The following CNTN4 variants were observed in gnomAD, a reference collection of about 807,000 sequenced individuals.
CNTN4 encodes the protein contactin-4.
CNTN4 carries 77 observed loss-of-function variants against 122.5 expected under a neutral mutation model. The observed-to-expected ratio is 0.63, with a 90% CI of 0.52 to 0.76. The LOEUF (loss-of-function observed/expected upper bound fraction) is 0.76, where lower values mean the gene tolerates loss of function less well. CNTN4 is among the 30% of genes least tolerant of loss of function. CNTN4 has a pLI of 0.00. For missense variants in CNTN4, 1,256 were observed against 1,259.1 expected (o/e 1.00, Z 0.04); for synonymous variants, 512 against 447.0 (o/e 1.15, Z -1.83).
chr3:2,149,535 G>T (rs576594178), intron 2 of CNTN4, among the ~76,000 whole-genome samples: 31 of 152,226 alleles, frequency 2.0e-4, no homozygotes, highest in African/African-American at 7.2e-4. Flanking sequence ...TTAGAAAATT[G>T]CATTCCCTCA....
At chr3:2,262,435 G>A (rs1358350289) in intron 2 of CNTN4, 1 of 152,080 alleles carries the variant, frequency 6.6e-6, no homozygotes, top group Non-Finnish European at 1.5e-5. Context: ...GCTGAGGTAA[G>A]GCAAACAGTC....
At chr3:2,931,859 G>A (rs900654059) in intron 13 of CNTN4, among the ~76,000 whole-genome samples, 1 of 152,024 alleles carries the variant, frequency 6.6e-6, no homozygotes, top group Non-Finnish European at 1.5e-5. Flanking sequence ...TATTGCCCAG[G>A]CTGGTCTTGA....
At chr3:2,381,208 A>G (rs997160618) in intron 3 of CNTN4, among the ~76,000 whole-genome samples, 5 of 151,936 alleles carry the variant, frequency 3.3e-5, no homozygotes, top group Admixed American at 6.6e-5. Context: ...GGGTTTCACC[A>G]TGTTAGCCAG....
At chr3:2,448,458 A>G in intron 3 of CNTN4, among the ~76,000 whole-genome samples, 1 of 152,132 alleles carries the variant, frequency 6.6e-6, no homozygotes, top group Non-Finnish European at 1.5e-5. Flanking sequence ...GGGCTTCTCA[A>G]ATGCAAGTGG....
At position 2,882,810 on chromosome 3, in the gene CNTN4, A is replaced by T. The variant is rs560689929; in HGVS notation, c.653-335A>T. 5.3e-5 allele frequency: 15 copies of T among 282,964 alleles called. No homozygotes were observed. The South Asian group carries it at 5.3e-4, about 10-fold the overall frequency. The allele number at this position is 282,964 out of a possible 1,614,324, so 17.5% of individuals were successfully genotyped here. A position where few individuals can be genotyped will look rare whatever the true frequency, so the allele number is the denominator to read the frequency against. On this transcript the variant is annotated intron_variant, in intron 8 of 24. Transcript: ENST00000418658. ...ATTTTTCTGCAGTATACTTCCAAAG[A>T]GATAATTTAATTTTCCTGATGACTA...
chr3:2,753,592 G>C (rs1033163888), intron 6 of CNTN4, among the ~76,000 whole-genome samples: 4 of 152,228 alleles, frequency 2.6e-5, no homozygotes, highest in African/African-American at 9.6e-5. Flanking sequence ...GTCTTGAGCA[G>C]ATGCCTGTTA....
chr3:2,287,696 A>AGAAGAGGAAGAAGAG (rs2041975089), intron 2 of CNTN4, among the ~76,000 whole-genome samples: 1 of 68,268 alleles, frequency 1.5e-5, no homozygotes, highest in African/African-American at 5.7e-5. Context: ...AAGAAGAGGA[A>AGAAGAGGAAGAAGAG]GAAGAAGAAG....
At chr3:2,212,056 C>T (rs540149786) in intron 2 of CNTN4, among the ~76,000 whole-genome samples, 40 of 152,204 alleles carry the variant, frequency 2.6e-4, no homozygotes, top group East Asian at 7.7e-4. Flanking sequence ...TCACTGTAAC[C>T]GCAAACTCCT....
chr3:2,204,885 A>G (rs1253175787), intron 2 of CNTN4, among the ~76,000 whole-genome samples: 1 of 152,154 alleles, frequency 6.6e-6, no homozygotes, highest in East Asian at 1.9e-4. Context: ...GGCCCTAATA[A>G]CATATGAATG....
At chr3:2,216,790 C>G (rs2038859533) in intron 2 of CNTN4, among the ~76,000 whole-genome samples, 1 of 152,104 alleles carries the variant, frequency 6.6e-6, no homozygotes, top group East Asian at 1.9e-4. Context: ...AGTCTGCATA[C>G]CCCTCCTCAC....
chr3:2,562,875 C>T (rs749804198), intron 3 of CNTN4, among the ~76,000 whole-genome samples: 10 of 152,054 alleles, frequency 6.6e-5, no homozygotes, highest in Non-Finnish European at 1.3e-4. Context: ...AGGCAGGAGC[C>T]ACCACGGCTG....
intron 2 of CNTN4, among the ~76,000 whole-genome samples, chr3:2,104,330 T>C (rs745692460): frequency 1.3e-5 from 2 of 152,114 alleles, no homozygotes; most frequent in Non-Finnish European, 2.9e-5. Context: ...CTGTCATGTT[T>C]TCAGCCAAAT....
chr3:2,848,754 AG>A (rs2093497685), intron 7 of CNTN4, among the ~76,000 whole-genome samples: 1 of 152,222 alleles, frequency 6.6e-6, no homozygotes, highest in Admixed American at 6.5e-5. Flanking sequence ...TTTTAGCAAA[AG>A]CTTCAAAATT....
chr3:2,130,940 A>G (rs543255272), intron 2 of CNTN4, among the ~76,000 whole-genome samples: 4 of 152,318 alleles, frequency 2.6e-5, no homozygotes, highest in Admixed American at 1.3e-4. Context: ...CATAAAGAGC[A>G]TCTTTTTCAG....
At chr3:2,123,170 T>C (rs561225054) in intron 2 of CNTN4, among the ~76,000 whole-genome samples, 15 of 152,332 alleles carry the variant, frequency 9.8e-5, no homozygotes, top group South Asian at 2.1e-4. Context: ...ATTGACTATA[T>C]GCCTAGCACC....
intron 7 of CNTN4, among the ~76,000 whole-genome samples, chr3:2,845,392 T>A (rs2093438920): frequency 6.6e-6 from 1 of 151,990 alleles, no homozygotes; most frequent in Non-Finnish European, 1.5e-5. Context: ...CATGAAAATA[T>A]TGACAAATAA....
chr3:2,362,509 C>G lies in CNTN4; in HGVS notation c.-89+23276C>G, dbSNP rs893451799. On this transcript the variant is annotated intron_variant, in intron 3 of 24. Transcript: ENST00000418658. ...GTTCCCTGAGGTGGCTCCATAGGCT[C>G]CTGTGCACTTTCTGGTCATTCCTAA... 1.9e-5 allele frequency: 11 copies of G among 566,280 alleles called. No homozygotes were observed. In the East Asian group the frequency reaches 2.5e-4, roughly 13 times the overall value. 35.1% of individuals were successfully genotyped at this position (566,280 alleles called of 1,614,324 possible). A position where few individuals can be genotyped will look rare whatever the true frequency, so the allele number is the denominator to read the frequency against.
intron 3 of CNTN4, among the ~76,000 whole-genome samples, chr3:2,561,179 C>A (rs954736118): frequency 2.0e-5 from 3 of 152,062 alleles, no homozygotes; most frequent in Non-Finnish European, 2.9e-5. Flanking sequence ...ACCTTTAGCT[C>A]TTCTTTAGTT....
intron 20 of CNTN4, among the ~76,000 whole-genome samples, chr3:3,041,701 C>T (rs1339141058): frequency 6.6e-6 from 1 of 152,198 alleles, no homozygotes; most frequent in African/African-American, 2.4e-5. Context: ...GTGGCTCATG[C>T]CTGTAATCCC....
Sources: allele counts gnomAD v4.1 joint callset (sites outside exome capture counted in the v4.1 genomes callset), GRCh38; gene constraint gnomAD v4.1.1; transcripts MANE v1.5; gene names NCBI Gene and HGNC (gene_info 2026-07-23, HGNC 2026-07-21).